Variants in GINS1 observed in about 807,000 individuals in gnomAD.
The protein encoded by GINS1 is DNA replication complex GINS protein PSF1.
In GINS1, 26 loss-of-function variants were observed where a neutral mutation model predicts 34.9. The ratio of observed to expected loss-of-function variants is 0.74; its 90% CI spans 0.55 to 1.03. GINS1 has a LOEUF of 1.03. Ranked by LOEUF, GINS1 falls within the 50% of genes least tolerant of loss-of-function variation. The probability of loss-of-function intolerance (pLI) is 0.00; values close to 1 mark genes in which losing one functional copy is unlikely to be tolerated. For missense variants in GINS1, 235 were observed against 237.9 expected, an observed-to-expected ratio of 0.99 and a Z score of 0.08; for synonymous variants, 97 against 84.4, an observed-to-expected ratio of 1.15 and a Z score of -0.82.
Position 25,409,211 on chromosome 20 carries a change from T to C in GINS1, c.75+1316T>C, listed in dbSNP as rs142659831. ...GAATTTGTTGTTCACTTATAAGGCA[T>C]GCTGGGAGCTGGTAGAGGATTTTAG... On this transcript the variant is annotated intron_variant, in intron 1 of 6. Coordinates refer to ENST00000262460, the MANE Select transcript of GINS1 (RefSeq NM_021067.5). Among the ~76,000 whole-genome samples the C allele has an allele frequency of 1.8e-3, 274 of 152,338 alleles. 1 individual carries two copies. The highest frequency in any genetic ancestry group is 3.4e-3 in the Middle Eastern group (1 of 294).
At chr20:25,433,185 A>G (rs1443486977) in intron 5 of GINS1, among the ~76,000 whole-genome samples, 1 of 152,080 alleles carries the variant, frequency 6.6e-6, no homozygotes, top group South Asian at 2.1e-4. Flanking sequence ...ATTACTGATA[A>G]GGAAGGACTT....
rs1376429596 is a variant in GINS1 at position 25,448,537 on chromosome 20, T to TAAAG, written c.*2548_*2551dup. On this transcript the variant is annotated 3_prime_UTR_variant, in exon 7 of 7. Transcript: ENST00000262460. ...CATCAACAGTCATGTGTTCTATGAA[T>TAAAG]AAAGAGTTTTACTCCTTCCTTTCTA... 6.6e-6 allele frequency: 1 copy of TAAAG among 152,354 alleles called. No homozygotes were observed. The highest frequency in any genetic ancestry group is 6.5e-5 in the Admixed American group (1 of 15,306). The allele number at this position is 152,354 out of a possible 1,614,324, so 9.4% of individuals were successfully genotyped here.
chr20:25,425,869 T>C (rs916223629), intron 5 of GINS1, among the ~76,000 whole-genome samples: 3 of 152,232 alleles, frequency 2.0e-5, no homozygotes, highest in African/African-American at 7.2e-5. Flanking sequence ...ATCTTAGCTA[T>C]TTTTAAATGT....
chr20:25,409,064 T>G, intron 1 of GINS1: 1 of 982,514 alleles, frequency 1.0e-6, no homozygotes, highest in Non-Finnish European at 1.2e-6. Flanking sequence ...AGGTTACTGA[T>G]CTGAGAAGGA....
intron 6 of GINS1, among the ~76,000 whole-genome samples, chr20:25,443,651 G>C (rs903879434): frequency 2.6e-5 from 4 of 151,552 alleles, no homozygotes; most frequent in Non-Finnish European, 4.4e-5. Flanking sequence ...GCTAATTTTT[G>C]TATATTTTTT....
rs1157131905 is a variant in GINS1 at position 25,446,127 on chromosome 20, TAAG to T, written c.*140_*142del. 9.8e-6 allele frequency: 5 copies of T among 510,954 alleles called. No individual in the cohort carries two copies. The highest frequency in any genetic ancestry group is 1.7e-5 in the Non-Finnish European group (5 of 286,236). 31.7% of individuals were successfully genotyped at this position (510,954 alleles called of 1,614,324 possible). ...TTTAAGATAACTAAGAATACTTGGC[TAAG>T]AAGTATAATTTGCTAACTATTAAGG... is the stretch of plus-strand genomic sequence containing the variant. On this transcript the variant is annotated 3_prime_UTR_variant, in exon 7 of 7. Coordinates refer to ENST00000262460, the MANE Select transcript of GINS1 (RefSeq NM_021067.5).
At chr20:25,442,340 CTGTCTG>C (rs2146224609) in intron 6 of GINS1, among the ~76,000 whole-genome samples, 1 of 57,030 alleles carries the variant, frequency 1.8e-5, no homozygotes, top group East Asian at 0.018. Context: ...ATCTATCTAT[CTGTCTG>C]TCTGTCTGTC....
chr20:25,421,148 A>AT (rs998356433), intron 4 of GINS1, among the ~76,000 whole-genome samples: 42 of 152,232 alleles, frequency 2.8e-4, no homozygotes, highest in African/African-American at 9.6e-4. Context: ...CCTTTGGTAA[A>AT]TTATCTAATC....
At chr20:25,430,638 C>A (rs574769511) in intron 5 of GINS1, among the ~76,000 whole-genome samples, 1 of 152,340 alleles carries the variant, frequency 6.6e-6, no homozygotes. Flanking sequence ...TCAAGCGATT[C>A]TCCTGCCTCA....
At chr20:25,408,878 G>A in intron 1 of GINS1, 4 of 976,242 alleles carry the variant, frequency 4.1e-6, no homozygotes, top group Non-Finnish European at 4.9e-6. Flanking sequence ...ACGTCATAGA[G>A]CAGGCATTAT....
At chr20:25,440,189 C>T (rs1026592526) in intron 5 of GINS1, among the ~76,000 whole-genome samples, 1 of 151,756 alleles carries the variant, frequency 6.6e-6, no homozygotes, top group African/African-American at 2.4e-5. Flanking sequence ...TTGGTAGAGG[C>T]GGGGTTTCAC....
chr20:25,418,885 C>G (rs998966055), intron 4 of GINS1, among the ~76,000 whole-genome samples: 1 of 152,188 alleles, frequency 6.6e-6, no homozygotes, highest in Non-Finnish European at 1.5e-5. Flanking sequence ...AGACTGACAT[C>G]AGGAGGGCCA....
At position 25,442,362 on chromosome 20, in the gene GINS1, GTCTGTCTGTCTA is replaced by G. The variant is rs912739394; in HGVS notation, c.522+590_522+601del. Among the ~76,000 whole-genome samples, 10 of 151,676 alleles carry G rather than the reference GTCTGTCTGTCTA, an allele frequency of 6.6e-5. No individual in the cohort carries two copies. In the South Asian group the frequency reaches 1.7e-3, roughly 25 times the overall value. On this transcript the variant is annotated intron_variant, in intron 6 of 6. Coordinates refer to ENST00000262460, the MANE Select transcript of GINS1 (RefSeq NM_021067.5). Reference sequence around the variant, plus strand: ...TATCTGTCTGTCTGTCTGTCTGTCTGTCTGTCTGTCTATCTATCTATCTATCTTTAAAGAAAA... The same window carrying G: ...TATCTGTCTGTCTGTCTGTCTGTCTGTCTATCTATCTATCTTTAAAGAAAA...
At chr20:25,438,583 C>T (rs576232709) in intron 5 of GINS1, among the ~76,000 whole-genome samples, 72 of 123,226 alleles carry the variant, frequency 5.8e-4, no homozygotes, top group African/African-American at 2.0e-3. Flanking sequence ...TACAGTGGTA[C>T]AATCTCGGCT....
intron 4 of GINS1, 95 bp from the exon 5 acceptor site, chr20:25,425,116 T>G: frequency 1.5e-6 from 1 of 646,520 alleles, no homozygotes. Flanking sequence ...ACAACAGTGA[T>G]TTGTGTTGGG....
chr20:25,439,484 C>G (rs2090471137), intron 5 of GINS1, among the ~76,000 whole-genome samples: 1 of 151,764 alleles, frequency 6.6e-6, no homozygotes, highest in African/African-American at 2.4e-5. Flanking sequence ...CCTGCAGTGA[C>G]AAACTACTCA....
chr20:25,409,291 TGG>T (rs1428125515), intron 1 of GINS1, among the ~76,000 whole-genome samples: 2 of 152,132 alleles, frequency 1.3e-5, no homozygotes, highest in Non-Finnish European at 2.9e-5. Flanking sequence ...GGCAGCAATA[TGG>T]GGAATGGATT....
chr20:25,416,553 G>C (rs980997736), intron 2 of GINS1, among the ~76,000 whole-genome samples: 2 of 152,018 alleles, frequency 1.3e-5, no homozygotes, highest in African/African-American at 4.8e-5. Context: ...CTTTTTATAG[G>C]GTAAAACCAA....
At chr20:25,427,465 TGA>T (rs2090398120) in intron 5 of GINS1, among the ~76,000 whole-genome samples, 1 of 152,202 alleles carries the variant, frequency 6.6e-6, no homozygotes, top group Admixed American at 6.5e-5. Flanking sequence ...CCCAAAGGCA[TGA>T]GTCACCATGC....
Sources: allele counts gnomAD v4.1 joint callset (sites outside exome capture counted in the v4.1 genomes callset), GRCh38; gene constraint gnomAD v4.1.1; transcripts MANE v1.5; gene names NCBI Gene and HGNC (gene_info 2026-07-23, HGNC 2026-07-21).